The following CCNY variants were observed in gnomAD, a reference collection of about 807,000 sequenced individuals.
CCNY encodes cyclin Y.
CCNY carries 19 observed loss-of-function variants against 42.8 expected under a neutral mutation model. That is an observed-to-expected ratio of 0.44 (90% CI 0.31 to 0.65). CCNY has a LOEUF of 0.65. CCNY is among the 30% of genes least tolerant of loss of function. The probability of loss-of-function intolerance (pLI) is 0.07; values close to 1 mark genes in which losing one functional copy is unlikely to be tolerated. For missense variants in CCNY, 370 were observed against 437.3 expected (o/e 0.85, Z 1.37); for synonymous variants, 165 against 162.7 (o/e 1.01, Z -0.11).
At chr10:35,490,538 C>G (rs897390839) in intron 2 of CCNY, among the ~76,000 whole-genome samples, 2 of 152,206 alleles carry the variant, frequency 1.3e-5, no homozygotes, top group East Asian at 3.9e-4. Context: ...TGTCCTCCTG[C>G]ACTGCTGCCC....
In CCNY at chr10:35,566,081, A is replaced by C; in HGVS notation, c.805A>C (p.Ser269Arg). Residue 269 changes from serine to arginine, a missense_variant, in exon 9 of 10, where the codon AGT becomes CGT. Transcript: ENST00000374704. Reference protein sequence around the residue: ...LLQFNINVPSSVYAKYYFDLR... With the variant: ...LLQFNINVPSRVYAKYYFDLR... ...GCAGTTCAACATCAATGTTCCTTCC[A>C]GTGTCTATGCCAAGTATTATTTTGA... 1 of 1,614,214 alleles carries C rather than the reference A, an allele frequency of 6.2e-7. No homozygotes were observed. Among genetic ancestry groups the C allele is most frequent in the South Asian group, 1.1e-5 (1 of 91,088 alleles).
At chr10:35,452,149 A>G (rs1012143400) in intron 1 of CCNY, among the ~76,000 whole-genome samples, 3 of 152,226 alleles carry the variant, frequency 2.0e-5, no homozygotes, top group African/African-American at 7.2e-5. Flanking sequence ...ACCAGAGAAC[A>G]TACAGTAAAT....
intron 1 of CCNY, among the ~76,000 whole-genome samples, chr10:35,419,336 A>C (rs1348845204): frequency 6.6e-6 from 1 of 152,182 alleles, no homozygotes; most frequent in Non-Finnish European, 1.5e-5. Context: ...AAAAATTTTA[A>C]GCAAAGAAAT....
chr10:35,385,910 A>G (rs1016913825), intron 1 of CCNY, among the ~76,000 whole-genome samples: 17 of 152,228 alleles, frequency 1.1e-4, no homozygotes, highest in African/African-American at 4.1e-4. Context: ...GCACAAAAAC[A>G]GAATTTACCA....
intron 1 of CCNY, among the ~76,000 whole-genome samples, chr10:35,362,297 T>A (rs1356728826): frequency 6.6e-6 from 1 of 152,118 alleles, no homozygotes; most frequent in Non-Finnish European, 1.5e-5. Context: ...ATGTGCAAGG[T>A]GGAACAGGTG....
intron 2 of CCNY, among the ~76,000 whole-genome samples, chr10:35,495,740 G>T (rs959351658): frequency 6.6e-6 from 1 of 152,190 alleles, no homozygotes; most frequent in African/African-American, 2.4e-5. Flanking sequence ...TTTGTTCTGG[G>T]CTCCAAAGTG....
At chr10:35,471,657 A>AAAGCAGTGTGACCGAACACTCAGT (rs1437622731) in intron 1 of CCNY, among the ~76,000 whole-genome samples, 40 of 152,350 alleles carry the variant, frequency 2.6e-4, no homozygotes, top group African/African-American at 9.6e-4. Flanking sequence ...ACATGGACTG[A>AAAGCAGTGTGACCGAACACTCAGT]AAGCAGTGTG....
intron 1 of CCNY, among the ~76,000 whole-genome samples, chr10:35,393,071 T>C (rs991710197): frequency 1.3e-5 from 2 of 152,160 alleles, no homozygotes; most frequent in African/African-American, 4.8e-5. Context: ...TGCGCATTGG[T>C]GCTAAGTCCC....
intron 3 of CCNY, among the ~76,000 whole-genome samples, chr10:35,266,249 CTTTTTTTTTT>C (rs773886027): frequency 9.1e-6 from 1 of 110,126 alleles, no homozygotes. Context: ...GGCTAATTTC[CTTTTTTTTTT>C]TTTTTTTTTT....
intron 3 of CCNY, among the ~76,000 whole-genome samples, chr10:35,508,765 T>G (rs1840264037): frequency 6.6e-6 from 1 of 152,214 alleles, no homozygotes; most frequent in Non-Finnish European, 1.5e-5. Context: ...TGATACATAA[T>G]TAACATGTAA....
chr10:35,547,430 C>G (rs1841140241), intron 7 of CCNY, among the ~76,000 whole-genome samples: 1 of 152,158 alleles, frequency 6.6e-6, no homozygotes, highest in Non-Finnish European at 1.5e-5. Flanking sequence ...TGCCGTGCTT[C>G]ATGACTTCCT....
intron 1 of CCNY, among the ~76,000 whole-genome samples, chr10:35,389,400 G>C (rs1249411267): frequency 6.7e-6 from 1 of 148,406 alleles, no homozygotes; most frequent in Non-Finnish European, 1.5e-5. Flanking sequence ...TCAACTCCCT[G>C]ATTTTACTTA....
intron 3 of CCNY, among the ~76,000 whole-genome samples, chr10:35,267,106 T>C (rs563011699): frequency 6.3e-4 from 92 of 147,102 alleles, no homozygotes; most frequent in Non-Finnish European, 9.7e-4. Flanking sequence ...AAAAATGACC[T>C]ACTGTGGGTA....
intron 1 of CCNY, among the ~76,000 whole-genome samples, chr10:35,463,730 CAAAG>C (rs1404438312): frequency 6.6e-6 from 1 of 152,112 alleles, no homozygotes; most frequent in Non-Finnish European, 1.5e-5. Flanking sequence ...AAGGAAGAGG[CAAAG>C]AAATCAAAGG....
chr10:35,318,187 C>T (rs1835782531), intron 3 of CCNY, among the ~76,000 whole-genome samples: 1 of 151,986 alleles, frequency 6.6e-6, no homozygotes. Context: ...ATGATTGTGC[C>T]ACTGCACTCC....
intron 1 of CCNY, among the ~76,000 whole-genome samples, chr10:35,383,897 G>A (rs550548891): frequency 1.3e-5 from 2 of 152,164 alleles, no homozygotes; most frequent in African/African-American, 4.8e-5. Context: ...ACTACTCTAA[G>A]CACTTTATAT....
At chr10:35,389,982 A>G (rs1837380178) in intron 1 of CCNY, among the ~76,000 whole-genome samples, 1 of 152,212 alleles carries the variant, frequency 6.6e-6, no homozygotes. Flanking sequence ...ACAGAGTATC[A>G]CTTAGTCATA....
intron 3 of CCNY, among the ~76,000 whole-genome samples, chr10:35,259,331 A>G (rs1245059298): frequency 1.3e-5 from 2 of 151,958 alleles, no homozygotes; most frequent in African/African-American, 2.4e-5. Context: ...CTCCCACCTC[A>G]GCCTCTTGAG....
intron 1 of CCNY, among the ~76,000 whole-genome samples, chr10:35,423,043 G>C (rs1023363386): frequency 2.2e-4 from 34 of 152,188 alleles, no homozygotes; most frequent in Non-Finnish European, 4.6e-4. Context: ...TCTATTTCTA[G>C]TGTTTTGTAT....
Sources: allele counts gnomAD v4.1 joint callset (sites outside exome capture counted in the v4.1 genomes callset), GRCh38; gene constraint gnomAD v4.1.1; transcripts MANE v1.5; gene names NCBI Gene and HGNC (gene_info 2026-07-23, HGNC 2026-07-21).